Variants in VPS13B observed in about 807,000 individuals in gnomAD.
The protein encoded by VPS13B is vacuolar protein sorting 13 homolog B.
A neutral mutation model predicts 426.4 loss-of-function variants in VPS13B; 285 were observed. That is an observed-to-expected ratio of 0.67 (90% CI 0.61 to 0.74). The LOEUF (loss-of-function observed/expected upper bound fraction) is 0.74. Ranked by LOEUF, VPS13B falls within the 30% of genes least tolerant of loss-of-function variation. VPS13B has a pLI of 0.00. For synonymous variants in VPS13B, 1,676 were observed against 1,676.4 expected, an observed-to-expected ratio of 1.00 and a Z score of 0.01; for missense variants, 4,537 against 4,782.6, an observed-to-expected ratio of 0.95 and a Z score of 1.51.
intron 43 of VPS13B, chr8:99,796,614 A>G (rs1436055481): frequency 6.6e-6 from 1 of 152,194 alleles, no homozygotes; most frequent in Non-Finnish European, 1.5e-5. Flanking sequence ...CCCAACACTT[A>G]TTGACTTAAA....
intron 39 of VPS13B, among the ~76,000 whole-genome samples, chr8:99,737,106 CTTTTTTTT>C (rs386413466): frequency 2.7e-4 from 12 of 44,370 alleles, no homozygotes; most frequent in Non-Finnish European, 4.4e-4. Flanking sequence ...AGATGTCCTT[CTTTTTTTT>C]TTTTTTTTTT....
intron 17 of VPS13B, among the ~76,000 whole-genome samples, chr8:99,208,098 A>C (rs10104826): frequency 0.83 from 125,719 of 152,164 alleles, 52,454 homozygotes; most frequent in South Asian, 0.89. Context: ...GGGCTGCTTA[A>C]AATCATGTTG....
At chr8:99,278,175 G>A (rs191382274) in intron 19 of VPS13B, among the ~76,000 whole-genome samples, 310 of 152,226 alleles carry the variant, frequency 2.0e-3, no homozygotes, top group African/African-American at 7.3e-3. Context: ...CATGATGTGT[G>A]GAAGACAGCT....
At chr8:99,710,116 G>GA (rs1443244228) in intron 36 of VPS13B, among the ~76,000 whole-genome samples, 3 of 152,024 alleles carry the variant, frequency 2.0e-5, no homozygotes, top group Non-Finnish European at 4.4e-5. Flanking sequence ...GAAATTTAGG[G>GA]AAAAAACTAC....
intron 30 of VPS13B, among the ~76,000 whole-genome samples, chr8:99,529,814 C>T (rs979586231): frequency 1.1e-4 from 16 of 152,194 alleles, no homozygotes; most frequent in African/African-American, 3.9e-4. Flanking sequence ...TGCTCAACAC[C>T]TGTCATAGTG....
intron 19 of VPS13B, among the ~76,000 whole-genome samples, chr8:99,311,313 A>T (rs1302479653): frequency 6.6e-6 from 1 of 152,196 alleles, no homozygotes; most frequent in Non-Finnish European, 1.5e-5. Context: ...ATTTAGTGCT[A>T]TAAATTTCCC....
rs1037481185 is a variant in VPS13B, at chr8:99,877,528, G to T, written c.*1862G>T. ...TCACATCACTGAATGTTACACATGA[G>T]TTTAAATGGGTAATATACAGGTTTT... On this transcript the variant is annotated 3_prime_UTR_variant, in exon 62 of 62. Coordinates refer to ENST00000357162, the MANE Select transcript of VPS13B (RefSeq NM_152564.5). 1 of 152,560 alleles carries T rather than the reference G, an allele frequency of 6.6e-6. No individual in the cohort carries two copies. Among genetic ancestry groups the T allele is most frequent in the Non-Finnish European group, 1.5e-5 (1 of 68,034 alleles). The allele number at this position is 152,560 out of a possible 1,614,324, so 9.5% of individuals were successfully genotyped here. A position where few individuals can be genotyped will look rare whatever the true frequency, so the allele number is the denominator to read the frequency against.
At chr8:99,513,371 A>G (rs540789946) in intron 29 of VPS13B, among the ~76,000 whole-genome samples, 1 of 152,156 alleles carries the variant, frequency 6.6e-6, no homozygotes, top group South Asian at 2.1e-4. Context: ...TCATTGAAAC[A>G]TAAGAAAAAA....
intron 33 of VPS13B, among the ~76,000 whole-genome samples, chr8:99,582,810 C>T (rs1006069870): frequency 2.0e-5 from 3 of 152,118 alleles, no homozygotes; most frequent in African/African-American, 2.4e-5. Context: ...CGCCCGCCAC[C>T]ACGCCCGGCT....
intron 31 of VPS13B, among the ~76,000 whole-genome samples, chr8:99,565,587 T>G (rs887095821): frequency 3.3e-5 from 5 of 152,184 alleles, no homozygotes; most frequent in East Asian, 1.9e-4. Flanking sequence ...CTATTCTCTG[T>G]GTCCTTAGAT....
At chr8:99,349,456 A>G (rs548452977) in intron 19 of VPS13B, among the ~76,000 whole-genome samples, 2 of 152,218 alleles carry the variant, frequency 1.3e-5, no homozygotes, top group African/African-American at 4.8e-5. Context: ...AACTAAATCT[A>G]GAATCCATAA....
intron 2 of VPS13B, among the ~76,000 whole-genome samples, chr8:99,027,622 T>C (rs192572491): frequency 1.3e-5 from 2 of 152,304 alleles, no homozygotes; most frequent in African/African-American, 4.8e-5. Flanking sequence ...TTACTAGATA[T>C]GGTAATCTTG....
intron 19 of VPS13B, among the ~76,000 whole-genome samples, chr8:99,319,677 T>C (rs1440114095): frequency 6.6e-6 from 1 of 152,186 alleles, no homozygotes; most frequent in Non-Finnish European, 1.5e-5. Flanking sequence ...TCATATAGAA[T>C]TGACTGTCTG....
chr8:99,525,825 C>G (rs1188480496), intron 30 of VPS13B, among the ~76,000 whole-genome samples: 1 of 152,144 alleles, frequency 6.6e-6, no homozygotes, highest in Non-Finnish European at 1.5e-5. Context: ...AGATGGACAG[C>G]ATGGCTTAGT....
intron 20 of VPS13B, among the ~76,000 whole-genome samples, chr8:99,387,814 T>C (rs979846287): frequency 1.8e-4 from 28 of 152,196 alleles, no homozygotes; most frequent in African/African-American, 6.5e-4. Flanking sequence ...ACTATTGTTG[T>C]GAGTGAAAAT....
chr8:99,431,007 C>T (rs979041007), intron 21 of VPS13B, among the ~76,000 whole-genome samples: 3 of 152,136 alleles, frequency 2.0e-5, no homozygotes, highest in Admixed American at 1.3e-4. Context: ...CGTGAGCCAA[C>T]GTGCCTGGCC....
chr8:99,853,477 A>C lies in VPS13B; in HGVS notation c.10088A>C (p.Lys3363Thr), dbSNP rs766579771. ...NRAPEKIVTF[K>T]MFITQLSLAV... ...GCGCCAGAGAAGATTGTTACATTTA[A>C]AATGTTCATCACTCAGTTAAGCCTG... Residue 3363 changes from lysine (K) to threonine (T), a missense_variant, in exon 56 of 62, where the codon AAA becomes ACA. Physicochemically the swap from Lys to Thr is moderately conservative, Grantham distance 78 (BLOSUM62 -1). Around this residue, in one of 2 missense-constraint regions of VPS13B, gnomAD observed 4,311 missense variants for 4,474.3 expected, o/e 0.96. Coordinates refer to ENST00000357162, the MANE Select transcript of VPS13B (RefSeq NM_152564.5). The C allele has an allele frequency of 6.2e-7, 1 of 1,614,134 alleles. No individual in the cohort carries two copies. Among genetic ancestry groups the C allele is most frequent in the South Asian group, 1.1e-5 (1 of 91,074 alleles).
chr8:99,594,194 A>G (rs1418883401), intron 33 of VPS13B, among the ~76,000 whole-genome samples: 1 of 151,948 alleles, frequency 6.6e-6, no homozygotes, highest in African/African-American at 2.4e-5. Context: ...CTCGGGGGAC[A>G]TGTAAGAAAG....
intron 37 of VPS13B, among the ~76,000 whole-genome samples, chr8:99,718,998 T>C (rs1049122895): frequency 2.6e-5 from 4 of 152,174 alleles, no homozygotes; most frequent in Non-Finnish European, 4.4e-5. Context: ...TTTTCACCAG[T>C]TTCCTTTTTA....
Sources: gnomAD v4.1 joint callset for allele counts (sites outside exome capture counted in the v4.1 genomes callset) on GRCh38, gnomAD v4.1.1 for gene constraint, gnomAD v4.1.1 regional missense constraint, MANE v1.5 for transcripts, NCBI Gene and HGNC (gene_info 2026-07-23, HGNC 2026-07-21) for gene names.